Variants in LAMA2 observed in about 807,000 individuals in gnomAD.
The protein encoded by LAMA2 is laminin subunit alpha-2.
LAMA2 carries 269 observed loss-of-function variants against 364.8 expected under a neutral mutation model. The observed-to-expected ratio is 0.74, with a 90% CI of 0.67 to 0.82. The LOEUF (loss-of-function observed/expected upper bound fraction) is 0.82. Ranked by LOEUF, LAMA2 falls within the 40% of genes least tolerant of loss-of-function variation. LAMA2 has a pLI of 0.00. For synonymous variants in LAMA2, 1,379 were observed against 1,370.6 expected, an observed-to-expected ratio of 1.01 and a Z score of -0.14; for missense variants, 3,807 against 3,873.2, an observed-to-expected ratio of 0.98 and a Z score of 0.45.
intron 4 of LAMA2, among the ~76,000 whole-genome samples, chr6:129,108,905 G>C (rs538581327): frequency 8.5e-5 from 13 of 152,128 alleles, no homozygotes; most frequent in South Asian, 2.1e-4. Context: ...TCCTCAAAAC[G>C]CATACCTGAT....
intron 1 of LAMA2, among the ~76,000 whole-genome samples, chr6:128,955,659 C>T (rs1781098580): frequency 6.6e-6 from 1 of 151,768 alleles, no homozygotes; most frequent in Admixed American, 6.6e-5. Flanking sequence ...TTAATAAAAC[C>T]CCCAAGTTTG....
At chr6:129,399,525 G>T (rs917785838) in intron 37 of LAMA2, among the ~76,000 whole-genome samples, 1 of 152,196 alleles carries the variant, frequency 6.6e-6, no homozygotes. Context: ...TCATAGCTTG[G>T]GAGTGAGCAG....
chr6:129,024,781 GGTCA>G (rs1178540527), intron 1 of LAMA2, among the ~76,000 whole-genome samples: 1 of 151,984 alleles, frequency 6.6e-6, no homozygotes, highest in Non-Finnish European at 1.5e-5. Context: ...GTATGCTTAT[GGTCA>G]GTCAGAGTAA....
rs116333875 is a variant in LAMA2 at position 129,244,826 on chromosome 6, A to G, written c.1783-5286A>G. 5.4e-3 allele frequency among the ~76,000 whole-genome samples: 826 copies of G among 152,284 alleles called. 4 individuals carry two copies. Among genetic ancestry groups the G allele is most frequent in the African/African-American group, 0.019 (784 of 41,560 alleles). ...TTTAGCCTTCTCCAGTCATGTGGGA[A>G]AACTTTCCTGCCTCATTAAATCTTT... On this transcript the variant is annotated intron_variant, in intron 12 of 64. Coordinates refer to ENST00000421865, the MANE Select transcript of LAMA2 (RefSeq NM_000426.4).
intron 52 of LAMA2, among the ~76,000 whole-genome samples, chr6:129,473,604 A>G (rs1783922623): frequency 6.6e-6 from 1 of 152,094 alleles, no homozygotes; most frequent in Non-Finnish European, 1.5e-5. Context: ...GAAAAGAATT[A>G]TGAAAGTAAT....
rs573096494 is a variant in LAMA2 at position 129,242,571 on chromosome 6, T to C, written c.1783-7541T>C. 4.6e-5 allele frequency among the ~76,000 whole-genome samples: 7 copies of C among 152,294 alleles called. 1 individual carries two copies. Among genetic ancestry groups the C allele is most frequent in the South Asian group, 2.1e-4 (1 of 4,828 alleles). The stretch of plus-strand genomic sequence containing the variant: ...TGTATTAATATAAAACTATAACTTA[T>C]GGTTTATTTGATTAGATCAATGTTT... On this transcript the variant is annotated intron_variant, in intron 12 of 64. Coordinates refer to ENST00000421865, the MANE Select transcript of LAMA2 (RefSeq NM_000426.4).
rs1337795293 is a variant in LAMA2 at position 129,208,674 on chromosome 6, AGAGAAG to A, written c.1782+15824_1782+15829del. 8.9e-5 allele frequency among the ~76,000 whole-genome samples: 11 copies of A among 123,392 alleles called. 1 individual carries two copies. The highest frequency in any genetic ancestry group is 3.8e-4 in the African/African-American group (10 of 26,634). The allele number at this position is 123,392 out of a possible 152,430, so 80.9% of individuals were successfully genotyped here. ...GGAAGAGAGGGAGAAAGAAAGAGAA[AGAGAAG>A]GAAAGAAAGAAAAAGGAAGGAAGGA... On this transcript the variant is annotated intron_variant, in intron 12 of 64. Coordinates refer to ENST00000421865, the MANE Select transcript of LAMA2 (RefSeq NM_000426.4).
intron 30 of LAMA2, among the ~76,000 whole-genome samples, chr6:129,346,102 T>C (rs1319843131): frequency 2.0e-5 from 3 of 152,144 alleles, no homozygotes; most frequent in Non-Finnish European, 4.4e-5. Flanking sequence ...AAAACAAATA[T>C]GGTAGAAATT....
At chr6:129,207,573 GTAAA>G (rs1302154096) in intron 12 of LAMA2, among the ~76,000 whole-genome samples, 1 of 152,034 alleles carries the variant, frequency 6.6e-6, no homozygotes, top group Non-Finnish European at 1.5e-5. Flanking sequence ...TCATACAAGT[GTAAA>G]TAGTTTTGTT....
chr6:129,146,412 A>G (rs573863163), intron 5 of LAMA2, among the ~76,000 whole-genome samples: 1 of 152,162 alleles, frequency 6.6e-6, no homozygotes, highest in South Asian at 2.1e-4. Context: ...AGTAATATAA[A>G]AATGCAAATG....
intron 4 of LAMA2, among the ~76,000 whole-genome samples, chr6:129,140,192 A>G (rs1191212862): frequency 1.3e-5 from 2 of 152,142 alleles, no homozygotes; most frequent in African/African-American, 4.8e-5. Context: ...TGTATTCTAA[A>G]ATAAAAATGC....
intron 4 of LAMA2, among the ~76,000 whole-genome samples, chr6:129,132,516 C>T (rs958038609): frequency 1.3e-5 from 2 of 152,150 alleles, no homozygotes; most frequent in African/African-American, 4.8e-5. Flanking sequence ...GATAAGAATG[C>T]AAACCCAAGA....
At chr6:129,305,789 A>T (rs150812591) in intron 22 of LAMA2, among the ~76,000 whole-genome samples, 14 of 148,038 alleles carry the variant, frequency 9.5e-5, no homozygotes, top group African/African-American at 3.2e-4. Context: ...GCACTTTGCT[A>T]TTTGCTTTTG....
chr6:129,336,510 T>A (rs1050380923), intron 29 of LAMA2, among the ~76,000 whole-genome samples: 1 of 152,216 alleles, frequency 6.6e-6, no homozygotes, highest in Admixed American at 6.5e-5. Flanking sequence ...AACAGGTCAC[T>A]GTACAGAGAT....
intron 58 of LAMA2, among the ~76,000 whole-genome samples, chr6:129,496,954 G>T (rs1010794148): frequency 6.6e-6 from 1 of 152,180 alleles, no homozygotes; most frequent in South Asian, 2.1e-4. Flanking sequence ...CTAGCACCAT[G>T]CTTGGCTCAA....
At chr6:128,949,348 T>C (rs1342469595) in intron 1 of LAMA2, among the ~76,000 whole-genome samples, 9 of 152,100 alleles carry the variant, frequency 5.9e-5, no homozygotes, top group South Asian at 2.1e-4. Context: ...CAGCTCTCCT[T>C]TTAGAACCAA....
chr6:129,011,708 T>C (rs1285558065), intron 1 of LAMA2, among the ~76,000 whole-genome samples: 2 of 152,220 alleles, frequency 1.3e-5, no homozygotes, highest in African/African-American at 4.8e-5. Flanking sequence ...CTCTTAGTAC[T>C]GTTTACTCCG....
At chr6:129,232,333 T>C (rs944492739) in intron 12 of LAMA2, among the ~76,000 whole-genome samples, 21 of 152,236 alleles carry the variant, frequency 1.4e-4, no homozygotes, top group African/African-American at 4.1e-4. Context: ...ATTCTTATTA[T>C]AGCAGTGTCT....
At chr6:129,453,197 T>C in intron 46 of LAMA2, 66 bp downstream of exon 46, 2 of 1,435,832 alleles carry the variant, frequency 1.4e-6, no homozygotes, top group South Asian at 1.1e-5. Flanking sequence ...AATCTGAAAA[T>C]GTATAGAATC....
Sources: gnomAD v4.1 joint callset for allele counts (sites outside exome capture counted in the v4.1 genomes callset) on GRCh38, gnomAD v4.1.1 for gene constraint, MANE v1.5 for transcripts, NCBI Gene and HGNC (gene_info 2026-07-23, HGNC 2026-07-21) for gene names.